WWOX: variants seen among roughly 807,000 people sequenced by gnomAD.
WWOX encodes WW domain-containing oxidoreductase.
WWOX carries 69 observed loss-of-function variants against 46.2 expected under a neutral mutation model. That is an observed-to-expected ratio of 1.49 (90% CI 1.23 to 1.82). The LOEUF is 1.82. Among genes scored for constraint, WWOX ranks in the 40% most tolerant of loss-of-function variants. The pLI is 0.00. For missense variants in WWOX, 919 were observed against 542.6 expected, an observed-to-expected ratio of 1.69 and a Z score of -6.89; for synonymous variants, 359 against 202.6, an observed-to-expected ratio of 1.77 and a Z score of -6.56.
chr16:78,604,303 C>G (rs2045692442), intron 8 of WWOX, among the ~76,000 whole-genome samples: 1 of 152,156 alleles, frequency 6.6e-6, no homozygotes, highest in Non-Finnish European at 1.5e-5. Flanking sequence ...GGTCTTACAT[C>G]TTGTCCTCTT....
intron 5 of WWOX, among the ~76,000 whole-genome samples, chr16:78,225,667 G>T (rs2037030103): frequency 6.6e-6 from 1 of 152,152 alleles, no homozygotes; most frequent in African/African-American, 2.4e-5. Flanking sequence ...CAGATGAGTA[G>T]TTCATTGTCC....
At chr16:79,184,433 A>G (rs558023821) in intron 8 of WWOX, among the ~76,000 whole-genome samples, 1 of 152,350 alleles carries the variant, frequency 6.6e-6, no homozygotes, top group South Asian at 2.1e-4. Flanking sequence ...GAAATTCACC[A>G]GACCACCAAT....
chr16:78,170,027 G>A lies in WWOX; in HGVS notation c.516+5738G>A, dbSNP rs539612924. Among the ~76,000 whole-genome samples the A allele has an allele frequency of 2.6e-5, 4 of 152,236 alleles. No individual in the cohort carries two copies. In the East Asian group the frequency reaches 7.7e-4, roughly 29 times the overall value. ...GCTGGTATGGGAAGAGGGGCAGGTG[G>A]CTCTCCCTTAGAGTTACTATTTGAC... On this transcript the variant is annotated intron_variant, in intron 5 of 8. Coordinates refer to ENST00000566780, the MANE Select transcript of WWOX (RefSeq NM_016373.4).
rs2151934076 is a variant in WWOX at position 78,386,849 on chromosome 16, T to C, written c.517-11T>C. The C allele has an allele frequency of 1.9e-6, 3 of 1,610,930 alleles. No homozygotes were observed. Among genetic ancestry groups the C allele is most frequent in the Non-Finnish European group, 2.5e-6 (3 of 1,177,054 alleles). ...TTATTTATCATTTCTTTTTATTTTC[T>C]CTCATTGCAGCATAAAGCCAAGGTA... is the stretch of plus-strand genomic sequence containing the variant. On this transcript the variant is annotated splice_polypyrimidine_tract_variant and intron_variant, in intron 5 of 8. Transcript: ENST00000566780.
rs1567649760 is a variant in WWOX, at chr16:78,567,551, T to TG, written c.1056+134799_1056+134800insG. Among the ~76,000 whole-genome samples the TG allele has an allele frequency of 3.4e-3, 111 of 32,978 alleles. 2 individuals are homozygous for TG. Among genetic ancestry groups the TG allele is most frequent in the African/African-American group, 0.024 (108 of 4,464 alleles). The allele number at this position is 32,978 out of a possible 152,430, so 21.6% of individuals were successfully genotyped here. On this transcript the variant is annotated intron_variant, in intron 8 of 8. Transcript: ENST00000566780. ...CTGGGCGACAGAAGGAGACTCCGTC[T>TG]CAAAAAAAAAAAAAAAAAAAAAAAG...
At chr16:78,377,873 A>G (rs956680867) in intron 5 of WWOX, among the ~76,000 whole-genome samples, 8 of 152,182 alleles carry the variant, frequency 5.3e-5, no homozygotes, top group Non-Finnish European at 1.0e-4. Context: ...ACCTATAGAT[A>G]TTGACACGGT....
chr16:78,828,127 G>A (rs1186741636), intron 8 of WWOX, among the ~76,000 whole-genome samples: 3 of 152,170 alleles, frequency 2.0e-5, no homozygotes, highest in Non-Finnish European at 2.9e-5. Context: ...CATTACAGGA[G>A]GCAGCAAGTG....
At position 78,386,876 on chromosome 16, in the gene WWOX, A is replaced by C; in HGVS notation, c.533A>C (p.Glu178Ala). The change falls in exon 6 of 9, where the codon GAA becomes GCA. Residue 178 changes from glutamate (E) to alanine (A), a missense_variant. Coordinates refer to ENST00000566780, the MANE Select transcript of WWOX (RefSeq NM_016373.4). The stretch of plus-strand genomic sequence containing the variant: ...TCATTGCAGCATAAAGCCAAGGTAG[A>C]AGCAATGACCCTGGACCTCGCTCTG... ...ILEEWHKAKV[E>A]AMTLDLALLR... is the part of the protein sequence containing the mutation. 6.2e-7 allele frequency: 1 copy of C among 1,614,104 alleles called. No homozygotes were observed. Among genetic ancestry groups the C allele is most frequent in the Non-Finnish European group, 8.5e-7 (1 of 1,179,976 alleles).
chr16:78,963,574 G>C (rs908476182), intron 8 of WWOX, among the ~76,000 whole-genome samples: 1 of 152,162 alleles, frequency 6.6e-6, no homozygotes, highest in African/African-American at 2.4e-5. Flanking sequence ...TACTGAATTA[G>C]AGTTCAGTAT....
rs188929724 is a variant in WWOX, at chr16:78,453,597, G to T, written c.1056+20845G>T. On this transcript the variant is annotated intron_variant, in intron 8 of 8. Transcript: ENST00000566780. Reference sequence around the variant, plus strand: ...GCAGTTAGAAAATCTGTCTAGGGTAGGGAGAGATAAAACCAGCTACTTCAG... The same window carrying T: ...GCAGTTAGAAAATCTGTCTAGGGTATGGAGAGATAAAACCAGCTACTTCAG... Among the ~76,000 whole-genome samples, 9 of 152,200 alleles carry T rather than the reference G, an allele frequency of 5.9e-5. No homozygotes were observed. In the East Asian group the frequency reaches 1.5e-3, roughly 26 times the overall value.
At chr16:79,105,136 G>A (rs770060158) in intron 8 of WWOX, among the ~76,000 whole-genome samples, 8 of 152,164 alleles carry the variant, frequency 5.3e-5, no homozygotes, top group Non-Finnish European at 7.3e-5. Flanking sequence ...GGGTCCTGTA[G>A]CCCCAGAGCC....
At chr16:78,201,653 C>T (rs895172848) in intron 5 of WWOX, among the ~76,000 whole-genome samples, 1 of 151,922 alleles carries the variant, frequency 6.6e-6, no homozygotes, top group Non-Finnish European at 1.5e-5. Context: ...ACCCCCAGTC[C>T]CCTCACTGGG....
At chr16:78,889,871 T>G (rs1032486237) in intron 8 of WWOX, among the ~76,000 whole-genome samples, 2 of 152,332 alleles carry the variant, frequency 1.3e-5, no homozygotes, top group East Asian at 1.9e-4. Flanking sequence ...GTCCATAGTT[T>G]ATGATGAATT....
intron 8 of WWOX, among the ~76,000 whole-genome samples, chr16:79,068,922 C>A (rs978841390): frequency 6.6e-6 from 1 of 151,872 alleles, no homozygotes; most frequent in Non-Finnish European, 1.5e-5. Context: ...GGGTCTGATG[C>A]CCACGCTTAA....
At chr16:78,556,099 T>C (rs1272465144) in intron 8 of WWOX, among the ~76,000 whole-genome samples, 3 of 151,966 alleles carry the variant, frequency 2.0e-5, no homozygotes, top group East Asian at 1.9e-4. Context: ...GTTCCATAGG[T>C]ACCTAGAGGG....
intron 8 of WWOX, among the ~76,000 whole-genome samples, chr16:78,760,189 G>T (rs1421312788): frequency 6.6e-6 from 1 of 152,172 alleles, no homozygotes; most frequent in East Asian, 1.9e-4. Flanking sequence ...GAGAGAGAGT[G>T]ACAGCCAGGT....
At chr16:79,041,646 G>C (rs985333139) in intron 8 of WWOX, among the ~76,000 whole-genome samples, 3 of 152,144 alleles carry the variant, frequency 2.0e-5, no homozygotes, top group African/African-American at 7.2e-5. Flanking sequence ...AGGCCACCAA[G>C]AGCCATCCCA....
intron 8 of WWOX, among the ~76,000 whole-genome samples, chr16:78,603,526 C>A (rs551829905): frequency 3.9e-5 from 6 of 152,064 alleles, no homozygotes; most frequent in Non-Finnish European, 8.8e-5. Flanking sequence ...GAAACCCCAT[C>A]TCACCTAAAA....
At chr16:78,290,151 G>A (rs1225452083) in intron 5 of WWOX, among the ~76,000 whole-genome samples, 1 of 152,062 alleles carries the variant, frequency 6.6e-6, no homozygotes, top group African/African-American at 2.4e-5. Context: ...GCTACTTGGG[G>A]TTTCTACACT....
Sources: gnomAD v4.1 joint callset for allele counts (sites outside exome capture counted in the v4.1 genomes callset) on GRCh38, gnomAD v4.1.1 for gene constraint, MANE v1.5 for transcripts, NCBI Gene and HGNC (gene_info 2026-07-23, HGNC 2026-07-21) for gene names.